The following CD226 variants were observed in gnomAD, a reference collection of about 807,000 sequenced individuals.
The protein encoded by CD226 is CD226 molecule.
A neutral mutation model predicts 34.9 loss-of-function variants in CD226; 24 were observed. The observed-to-expected ratio is 0.69, with a 90% CI of 0.50 to 0.97. The LOEUF (loss-of-function observed/expected upper bound fraction) is 0.97, where lower values mean the gene tolerates loss of function less well. CD226 is among the 50% of genes least tolerant of loss of function. The pLI is 0.00. For synonymous variants in CD226, 148 were observed against 147.4 expected (o/e 1.00, Z -0.03); for missense variants, 397 against 412.7 (o/e 0.96, Z 0.33).
chr18:69,913,440 A>C (rs2055350211), intron 2 of CD226, among the ~76,000 whole-genome samples: 1 of 152,216 alleles, frequency 6.6e-6, no homozygotes, highest in South Asian at 2.1e-4. Context: ...TCATAATTAG[A>C]AAACAAAATA....
At chr18:69,890,793 G>A (rs914961573) in intron 3 of CD226, among the ~76,000 whole-genome samples, 3 of 152,214 alleles carry the variant, frequency 2.0e-5, no homozygotes, top group Non-Finnish European at 2.9e-5. Flanking sequence ...AAGGTAGGTG[G>A]ATCAGTGGCC....
intron 5 of CD226, among the ~76,000 whole-genome samples, chr18:69,864,845 C>G (rs1246935762): frequency 6.6e-6 from 1 of 152,172 alleles, no homozygotes; most frequent in Admixed American, 6.5e-5. Context: ...AATCATTAAT[C>G]TTCTCTACCG....
intron 2 of CD226, among the ~76,000 whole-genome samples, chr18:69,909,923 T>C (rs1011906238): frequency 2.0e-5 from 3 of 152,142 alleles, no homozygotes; most frequent in Admixed American, 6.5e-5. Flanking sequence ...AAGCAAATCA[T>C]GAAAAGTAAA....
Position 69,947,021 on chromosome 18 carries a change from T to C in CD226, c.95A>G (p.Asn32Ser), listed in dbSNP as rs376403213. Residue 32 changes from asparagine to serine, a missense_variant, in exon 2 of 6, where the codon AAC (asparagine) becomes AGC (serine). Transcript: ENST00000582621. ...TGGATACACACATTCTAGAGACATG[T>C]TCTCGGCAAAGGGAACTGATGTATG... The part of the protein sequence containing the change: ...LWHTSVPFAE[N>S]MSLECVYPSM... The C allele has an allele frequency of 4.3e-5, 69 of 1,614,058 alleles. No homozygotes were observed. Among genetic ancestry groups the C allele is most frequent in the Non-Finnish European group, 5.3e-5 (63 of 1,180,036 alleles).
At chr18:69,881,176 T>G (rs997960239) in intron 3 of CD226, among the ~76,000 whole-genome samples, 7 of 152,164 alleles carry the variant, frequency 4.6e-5, no homozygotes, top group African/African-American at 1.7e-4. Context: ...TAAAATAAAA[T>G]TAACTTTTTT....
chr18:69,927,802 T>A (rs972075298), intron 2 of CD226, among the ~76,000 whole-genome samples: 1 of 152,264 alleles, frequency 6.6e-6, no homozygotes, highest in Admixed American at 6.5e-5. Flanking sequence ...AGATATACAC[T>A]GTAGATATTC....
chr18:69,924,258 A>G (rs1174445726), intron 2 of CD226, among the ~76,000 whole-genome samples: 1 of 152,190 alleles, frequency 6.6e-6, no homozygotes, highest in Non-Finnish European at 1.5e-5. Flanking sequence ...AAAAAGCTAC[A>G]GACACACTAC....
chr18:69,879,313 G>C (rs966787289), intron 3 of CD226, among the ~76,000 whole-genome samples: 1 of 152,140 alleles, frequency 6.6e-6, no homozygotes, highest in African/African-American at 2.4e-5. Flanking sequence ...GCCAGGGCAT[G>C]TTTCATCCCT....
At chr18:69,907,523 T>C (rs2055270600) in intron 2 of CD226, among the ~76,000 whole-genome samples, 1 of 152,186 alleles carries the variant, frequency 6.6e-6, no homozygotes, top group African/African-American at 2.4e-5. Flanking sequence ...TTGGCCAGGC[T>C]GGTCTCGAAC....
chr18:69,897,951 C>T (rs1985395232), intron 2 of CD226, among the ~76,000 whole-genome samples: 1 of 151,964 alleles, frequency 6.6e-6, no homozygotes, highest in Non-Finnish European at 1.5e-5. Flanking sequence ...AGCACTTTAC[C>T]CACATAACAC....
rs1312070038 is a variant in CD226 at position 69,895,800 on chromosome 18, G to A, written c.628C>T (p.Pro210Ser). Reference protein sequence around the residue: ...SHGRWSVIVIPDVTVSDSGLY... With the variant: ...SHGRWSVIVISDVTVSDSGLY... ...CCCGAGTCTGAGACTGTGACATCGGGGATGACGATGACGCTCCACCTTCCG... is the reference window on the plus strand; with the variant it reads ...CCCGAGTCTGAGACTGTGACATCGGAGATGACGATGACGCTCCACCTTCCG... The change falls in exon 3 of 6, where the codon CCC (proline) becomes TCC (serine). Residue 210 changes from proline to serine, a missense_variant. By Grantham distance (74) the Pro-to-Ser change is moderately conservative. Coordinates refer to ENST00000582621, the MANE Select transcript of CD226 (RefSeq NM_001303618.2). 6.2e-7 allele frequency: 1 copy of A among 1,614,006 alleles called. No individual in the cohort carries two copies. Among genetic ancestry groups the A allele is most frequent in the Non-Finnish European group, 8.5e-7 (1 of 1,180,012 alleles).
intron 2 of CD226, among the ~76,000 whole-genome samples, chr18:69,910,941 GAGTAAAC>G (rs1477416133): frequency 1.3e-5 from 2 of 152,148 alleles, no homozygotes; most frequent in African/African-American, 4.8e-5. Flanking sequence ...CAAGGCAATG[GAGTAAAC>G]ACCACAAGAC....
chr18:69,913,080 G>A (rs1001190823), intron 2 of CD226, among the ~76,000 whole-genome samples: 1 of 152,132 alleles, frequency 6.6e-6, no homozygotes. Flanking sequence ...CTTCTGATGG[G>A]CAGATTCCTC....
At chr18:69,913,220 G>C (rs2055347060) in intron 2 of CD226, among the ~76,000 whole-genome samples, 1 of 152,150 alleles carries the variant, frequency 6.6e-6, no homozygotes, top group African/African-American at 2.4e-5. Flanking sequence ...AGAAGAGAGA[G>C]AGACATCACA....
chr18:69,900,460 C>T (rs925894104), intron 2 of CD226, among the ~76,000 whole-genome samples: 6 of 152,144 alleles, frequency 3.9e-5, no homozygotes, highest in African/African-American at 9.7e-5. Flanking sequence ...TGGCCGGGCG[C>T]GGTGGCTCAC....
At chr18:69,887,133 A>G (rs1238996609) in intron 3 of CD226, among the ~76,000 whole-genome samples, 2 of 152,232 alleles carry the variant, frequency 1.3e-5, no homozygotes, top group African/African-American at 2.4e-5. Context: ...AGTCAATATA[A>G]AAGCAAAATG....
rs1040034765 is a variant in CD226 at position 69,857,930 on chromosome 18, T to C, written c.*6384A>G. 7 of 152,156 alleles carry C rather than the reference T, an allele frequency of 4.6e-5. No homozygotes were observed. Among genetic ancestry groups the C allele is most frequent in the Non-Finnish European group, 1.0e-4 (7 of 68,020 alleles). The allele number at this position is 152,156 out of a possible 1,614,324, so 9.4% of individuals were successfully genotyped here. ...CTTACTTGAAATTTTGGAGGTAGTA[T>C]GTTACCAAAAAAAATGGTAGTTCTT... On this transcript the variant is annotated 3_prime_UTR_variant, in exon 6 of 6. Transcript: ENST00000582621.
intron 4 of CD226, among the ~76,000 whole-genome samples, chr18:69,872,486 A>G (rs978273160): frequency 6.6e-6 from 1 of 152,112 alleles, no homozygotes; most frequent in African/African-American, 2.4e-5. Flanking sequence ...CTTGGACTCA[A>G]GCAATCCTCC....
At chr18:69,924,028 C>G (rs908590400) in intron 2 of CD226, among the ~76,000 whole-genome samples, 1 of 151,616 alleles carries the variant, frequency 6.6e-6, no homozygotes, top group Admixed American at 6.6e-5. Context: ...CATCATTTAT[C>G]GAGGATGGCT....
Sources: gnomAD v4.1 joint callset for allele counts (sites outside exome capture counted in the v4.1 genomes callset) on GRCh38, gnomAD v4.1.1 for gene constraint, MANE v1.5 for transcripts, NCBI Gene and HGNC (gene_info 2026-07-23, HGNC 2026-07-21) for gene names.